Variants in NUP58 observed in about 807,000 individuals in gnomAD.
NUP58 encodes nucleoporin p58/p45.
A neutral mutation model predicts 70.1 loss-of-function variants in NUP58; 17 were observed. The ratio of observed to expected loss-of-function variants is 0.24; its 90% CI spans 0.17 to 0.36. NUP58 has a LOEUF of 0.36. NUP58 is among the 10% of genes least tolerant of loss of function. NUP58 has a pLI of 1.00. For missense variants in NUP58, 644 were observed against 701.5 expected, an observed-to-expected ratio of 0.92 and a Z score of 0.93; for synonymous variants, 275 against 257.6, an observed-to-expected ratio of 1.07 and a Z score of -0.65.
intron 3 of NUP58, among the ~76,000 whole-genome samples, chr13:25,310,398 T>G (rs953584480): frequency 2.6e-5 from 4 of 151,702 alleles, no homozygotes; most frequent in Non-Finnish European, 4.4e-5. Flanking sequence ...TTTTGTATTT[T>G]TAGTAGAGAT....
At chr13:25,317,090 C>G (rs965855163) in intron 6 of NUP58, among the ~76,000 whole-genome samples, 1 of 151,906 alleles carries the variant, frequency 6.6e-6, no homozygotes, top group Non-Finnish European at 1.5e-5. Flanking sequence ...TTAGCTTGGG[C>G]CCTGCAGTAC....
chr13:25,331,728 G>A, intron 13 of NUP58, 170 bp downstream of exon 13: 8 of 1,428,656 alleles, frequency 5.6e-6, no homozygotes, highest in Non-Finnish European at 6.4e-6. Flanking sequence ...GATAAAAAAG[G>A]CAGGGTAGTC....
chr13:25,331,819 T>C (rs57949265), intron 13 of NUP58: 2 of 1,276,750 alleles, frequency 1.6e-6, no homozygotes, highest in African/African-American at 3.0e-5. Context: ...ATAAATGCCC[T>C]TTAGAACATG....
At chr13:25,331,256 A>T (rs958163731) in intron 12 of NUP58, 101 bp from the exon 13 acceptor site, 1 of 1,102,624 alleles carries the variant, frequency 9.1e-7, no homozygotes, top group East Asian at 2.6e-5. Context: ...TGAATGTATA[A>T]TATTGGGACT....
At chr13:25,302,186 C>A (rs1410871971) in intron 1 of NUP58, among the ~76,000 whole-genome samples, 2 of 152,178 alleles carry the variant, frequency 1.3e-5, no homozygotes, top group African/African-American at 4.8e-5. Flanking sequence ...GGGTCTACCC[C>A]GGAGCTTTAG....
intron 12 of NUP58, among the ~76,000 whole-genome samples, chr13:25,328,184 G>C (rs1297623042): frequency 6.6e-6 from 1 of 151,604 alleles, no homozygotes; most frequent in Non-Finnish European, 1.5e-5. Context: ...GGGCAACAGA[G>C]CAAGATTCCA....
At chr13:25,343,805 G>GTGTATATATATATATATA (rs770283276), downstream of NUP58, among the ~76,000 whole-genome samples, 3 of 137,664 alleles carry the variant, frequency 2.2e-5, no homozygotes, top group East Asian at 6.5e-4. Context: ...ACATATATAT[G>GTGTATATATATATATATA]TATATATATA....
chr13:25,324,138 A>G (rs185402419), intron 9 of NUP58, among the ~76,000 whole-genome samples: 82 of 152,236 alleles, frequency 5.4e-4, no homozygotes, highest in Non-Finnish European at 1.0e-3. Context: ...AATCATCTAC[A>G]CATGTATTTG....
In NUP58 at chr13:25,301,639, C is replaced by T. The variant is rs73466634; in HGVS notation, c.-135C>T. The T allele has an allele frequency of 1.9e-5, 9 of 464,000 alleles. No homozygotes were observed. The highest frequency in any genetic ancestry group is 1.0e-4 in the African/African-American group (5 of 49,306). The allele number at this position is 464,000 out of a possible 1,614,324, so 28.7% of individuals were successfully genotyped here. A position where few individuals can be genotyped will look rare whatever the true frequency, so the allele number is the denominator to read the frequency against. ...TCCACCCCCTCAGCCTTGCCTTCGCCGCCGTTGGGGCTGGAAGTTCCCGCC... is the reference window on the plus strand; with the variant it reads ...TCCACCCCCTCAGCCTTGCCTTCGCTGCCGTTGGGGCTGGAAGTTCCCGCC... On this transcript the variant is annotated 5_prime_UTR_variant, in exon 1 of 16. Transcript: ENST00000381736.
rs1566055086 is a variant in NUP58 at position 25,305,147 on chromosome 13, T to TTTTTTTG, written c.108-2653_108-2652insGTTTTTT. Among the ~76,000 whole-genome samples the TTTTTTTG allele has an allele frequency of 9.5e-5, 12 of 125,794 alleles. No individual in the cohort carries two copies. The South Asian group carries it at 9.9e-4, about 10-fold the overall frequency. The allele number at this position is 125,794 out of a possible 152,430, so 82.5% of individuals were successfully genotyped here. ...TCTGTGGGGTTTTTTTTTTTTTTTTTTTTTTTTTTTTTTTGAGACAGGGCC... is the reference window on the plus strand; with the variant it reads ...TCTGTGGGGTTTTTTTTTTTTTTTTTTTTTTTGTTTTTTTTTTTTTTGAGACAGGGCC... On this transcript the variant is annotated intron_variant, in intron 1 of 15. Coordinates refer to ENST00000381736, the MANE Select transcript of NUP58 (RefSeq NM_014089.4).
At chr13:25,333,531 A>G (rs769413113) in intron 13 of NUP58, 1 of 985,240 alleles carries the variant, frequency 1.0e-6, no homozygotes, top group African/African-American at 1.7e-5. Flanking sequence ...TTTGAATTGT[A>G]TGAATTCTTA....
chr13:25,309,147 A>T (rs1241639783), intron 2 of NUP58, 100 bp from the exon 3 acceptor site: 2 of 834,650 alleles, frequency 2.4e-6, no homozygotes, highest in Non-Finnish European at 4.0e-6. Flanking sequence ...AAGTGTTGTC[A>T]CTCCCTGAGG....
intron 12 of NUP58, among the ~76,000 whole-genome samples, chr13:25,329,479 C>T (rs759156660): frequency 9.9e-5 from 15 of 152,238 alleles, no homozygotes; most frequent in South Asian, 2.1e-4. Flanking sequence ...CCCTAGATCA[C>T]GTCAAATAAA....
chr13:25,311,787 T>G (rs1019796112), intron 3 of NUP58, among the ~76,000 whole-genome samples: 20 of 151,418 alleles, frequency 1.3e-4, no homozygotes, highest in African/African-American at 4.4e-4. Context: ...TTAAGAGAGA[T>G]ATGGCCTAAG....
rs2030876371 is a variant in NUP58 at position 25,315,339 on chromosome 13, G to A, written c.575-18G>A. 4 of 1,560,070 alleles carry A rather than the reference G, an allele frequency of 2.6e-6. No individual in the cohort carries two copies. The highest frequency in any genetic ancestry group is 3.4e-4 in the Middle Eastern group (2 of 5,926). On this transcript the variant is annotated intron_variant, in intron 5 of 15. Coordinates refer to ENST00000381736, the MANE Select transcript of NUP58 (RefSeq NM_014089.4). ...TGTAGTCTTTTGATGGAATTTATAA[G>A]TTATGTTTTATTTATAGGACTTGGA...
chr13:25,304,508 A>G (rs1205458103), intron 1 of NUP58, among the ~76,000 whole-genome samples: 8 of 86,084 alleles, frequency 9.3e-5, no homozygotes, highest in Non-Finnish European at 1.8e-4. Context: ...ATATATATAT[A>G]TATATATATG....
In NUP58 at chr13:25,337,755, C is replaced by G. The variant is rs190746304; in HGVS notation, c.1534+721C>G. Among the ~76,000 whole-genome samples, 569 of 152,170 alleles carry G rather than the reference C, an allele frequency of 3.7e-3. 8 individuals carry two copies. The highest frequency in any genetic ancestry group is 0.013 in the African/African-American group (546 of 41,532). The stretch of plus-strand genomic sequence containing the variant: ...CTATTACGGTTGTTTAATATAGACT[C>G]TGTTCTAAATTAGGAATTATTAGAA... On this transcript the variant is annotated intron_variant, in intron 14 of 15. Coordinates refer to ENST00000381736, the MANE Select transcript of NUP58 (RefSeq NM_014089.4).
intron 6 of NUP58, chr13:25,317,760 C>G (rs1040424876): frequency 7.0e-6 from 1 of 143,582 alleles, no homozygotes; most frequent in Non-Finnish European, 1.5e-5. Flanking sequence ...TAATAAAATA[C>G]AAAACATGGA....
At chr13:25,348,785 A>ACCCTTGTTCATCATCC (rs1373163751) in intron 3 of NUP58, among the ~76,000 whole-genome samples, 1 of 151,866 alleles carries the variant, frequency 6.6e-6, no homozygotes, top group Non-Finnish European at 1.5e-5. Context: ...TTCTTTGTCT[A>ACCCTTGTTCATCATCC]CCCTTGTTCA....
Sources: allele counts gnomAD v4.1 joint callset (sites outside exome capture counted in the v4.1 genomes callset), GRCh38; gene constraint gnomAD v4.1.1; transcripts MANE v1.5; gene names NCBI Gene and HGNC (gene_info 2026-07-23, HGNC 2026-07-21).